The following NRP1 variants were observed in gnomAD, a reference collection of about 807,000 sequenced individuals.
NRP1 encodes the protein neuropilin-1.
A neutral mutation model predicts 106.7 loss-of-function variants in NRP1; 35 were observed. The observed-to-expected ratio is 0.33, with a 90% CI of 0.25 to 0.43. The LOEUF is 0.43. Among genes scored for constraint, NRP1 ranks in the 20% least tolerant of loss-of-function variants. The pLI is 1.00. For synonymous variants in NRP1, 437 were observed against 417.9 expected (o/e 1.05, Z -0.56); for missense variants, 1,024 against 1,170.4 (o/e 0.87, Z 1.83).
At chr10:33,249,869 A>G (rs1158438171) in intron 6 of NRP1, among the ~76,000 whole-genome samples, 1 of 151,418 alleles carries the variant, frequency 6.6e-6, no homozygotes, top group African/African-American at 2.4e-5. Flanking sequence ...TCCAATGTGG[A>G]CGTTCATATC....
intron 6 of NRP1, among the ~76,000 whole-genome samples, chr10:33,237,839 A>G (rs1840703378): frequency 6.6e-6 from 1 of 152,050 alleles, no homozygotes; most frequent in Non-Finnish European, 1.5e-5. Flanking sequence ...AGTGTGAGCC[A>G]CCAGGCCCGG....
intron 2 of NRP1, among the ~76,000 whole-genome samples, chr10:33,279,746 C>T (rs772008596): frequency 6.6e-5 from 10 of 152,090 alleles, no homozygotes; most frequent in East Asian, 1.9e-4. Context: ...TGCTAGGACA[C>T]GTGGAGATTG....
At chr10:33,211,493 A>T (rs1429889580) in intron 9 of NRP1, 5 of 152,240 alleles carry the variant, frequency 3.3e-5, no homozygotes, top group African/African-American at 1.2e-4. Flanking sequence ...GAAAAAAGGT[A>T]GCTGCACAGA....
At position 33,278,961 on chromosome 10, in the gene NRP1, A is replaced by C. The variant is rs1843911058; in HGVS notation, c.249-8105T>G. On this transcript the variant is annotated intron_variant, in intron 2 of 16. Transcript: ENST00000374867. ...AAACAAGGTATTATGAAAATGAAGA[A>C]AAAACAAAATATCAAAGAAAAAATT... Among the ~76,000 whole-genome samples the C allele has an allele frequency of 2.0e-5, 3 of 152,358 alleles. No homozygotes were observed. The South Asian group carries it at 6.2e-4, about 32-fold the overall frequency.
chr10:33,263,972 G>T, intron 3 of NRP1, 99 bp from the exon 4 acceptor site: 1 of 747,088 alleles, frequency 1.3e-6, no homozygotes, highest in Non-Finnish European at 2.3e-6. Flanking sequence ...TCTAATAAAA[G>T]CCCGCCAGTA....
intron 4 of NRP1, 23 bp downstream of exon 4, chr10:33,263,623 G>A: frequency 6.4e-7 from 1 of 1,568,404 alleles, no homozygotes; most frequent in Non-Finnish European, 8.8e-7. Flanking sequence ...TTCCCTTTTT[G>A]GGGTGCTTCC....
At chr10:33,308,604 A>G (rs879871758) in intron 2 of NRP1, among the ~76,000 whole-genome samples, 10 of 151,760 alleles carry the variant, frequency 6.6e-5, no homozygotes, top group Non-Finnish European at 1.3e-4. Context: ...CTCCTGCCTC[A>G]GCCTCTGGAG....
At chr10:33,307,520 A>G (rs1846255760) in intron 2 of NRP1, among the ~76,000 whole-genome samples, 1 of 152,212 alleles carries the variant, frequency 6.6e-6, no homozygotes, top group South Asian at 2.1e-4. Context: ...ACATAGATAT[A>G]GTTTTAAAGT....
At chr10:33,330,685 T>C (rs1431440271) in intron 2 of NRP1, 23 bp downstream of exon 2, 6 of 1,600,582 alleles carry the variant, frequency 3.7e-6, no homozygotes, top group Non-Finnish European at 5.1e-6. Flanking sequence ...TGTGGTGCCC[T>C]GTTCAAAAAC....
intron 2 of NRP1, chr10:33,288,166 G>C (rs1844718893): frequency 1.3e-5 from 2 of 152,156 alleles, no homozygotes; most frequent in Admixed American, 1.3e-4. Context: ...TGTATGTCCA[G>C]GTATTGGCCA....
chr10:33,291,516 A>G (rs1256965589), intron 2 of NRP1, among the ~76,000 whole-genome samples: 2 of 152,246 alleles, frequency 1.3e-5, no homozygotes, highest in African/African-American at 4.8e-5. Flanking sequence ...ACTTTTCCAG[A>G]CAACTATGAA....
intron 6 of NRP1, among the ~76,000 whole-genome samples, chr10:33,229,196 G>A (rs1204859030): frequency 6.6e-6 from 1 of 152,092 alleles, no homozygotes; most frequent in East Asian, 1.9e-4. Context: ...AAATTTAAAT[G>A]GATTTTCTGT....
chr10:33,270,585 C>G, intron 3 of NRP1, 90 bp downstream of exon 3: 1 of 1,165,894 alleles, frequency 8.6e-7, no homozygotes, highest in South Asian at 2.0e-5. Flanking sequence ...CCTCGGCCTC[C>G]CAAAGTGCTG....
At chr10:33,185,839 G>C (rs547289495) in intron 14 of NRP1, 115 bp from the exon 15 acceptor site, 1 of 909,990 alleles carries the variant, frequency 1.1e-6, no homozygotes, top group Non-Finnish European at 1.7e-6. Context: ...CAGATTCAGC[G>C]TAACACAGAC....
intron 4 of NRP1, among the ~76,000 whole-genome samples, chr10:33,260,584 T>G (rs986039172): frequency 2.0e-5 from 3 of 152,100 alleles, no homozygotes; most frequent in African/African-American, 7.2e-5. Flanking sequence ...CACCAACACT[T>G]CCAGCATGTA....
At chr10:33,203,115 C>A in intron 10 of NRP1, 120 bp from the exon 11 acceptor site, 2 of 913,778 alleles carry the variant, frequency 2.2e-6, no homozygotes, top group Non-Finnish European at 3.2e-6. Flanking sequence ...AGACCAGGGG[C>A]ATGGTTTGCC....
intron 6 of NRP1, among the ~76,000 whole-genome samples, chr10:33,246,130 CTT>C (rs59011940): frequency 1.4e-5 from 2 of 141,416 alleles, no homozygotes; most frequent in South Asian, 2.2e-4. Context: ...TAATTTCTTT[CTT>C]TTTTTTTTTT....
At chr10:33,211,070 G>A (rs913932758) in intron 9 of NRP1, among the ~76,000 whole-genome samples, 3 of 152,148 alleles carry the variant, frequency 2.0e-5, no homozygotes, top group Admixed American at 6.5e-5. Flanking sequence ...ACCCTAACAC[G>A]TTCATCCAAT....
rs1835564082 is a variant in NRP1, at chr10:33,179,771, G to C, written c.*305C>G. ...AAAAGAATCCACAAAGGGGAGAGGA[G>C]AGAGAGAGAGAGGGGCAGGAGGGGT... On this transcript the variant is annotated 3_prime_UTR_variant, in exon 17 of 17. Coordinates refer to ENST00000374867, the MANE Select transcript of NRP1 (RefSeq NM_003873.7). 3.3e-6 allele frequency: 1 copy of C among 302,082 alleles called. No homozygotes were observed. The highest frequency in any genetic ancestry group is 6.2e-6 in the Non-Finnish European group (1 of 161,302). 18.7% of individuals were successfully genotyped at this position (302,082 alleles called of 1,614,324 possible).
Sources: gnomAD v4.1 joint callset for allele counts (sites outside exome capture counted in the v4.1 genomes callset) on GRCh38, gnomAD v4.1.1 for gene constraint, MANE v1.5 for transcripts, NCBI Gene and HGNC (gene_info 2026-07-23, HGNC 2026-07-21) for gene names.